PARVB: variants seen among roughly 807,000 people sequenced by gnomAD.
PARVB encodes the protein beta-parvin.
Under a neutral mutation model 47.0 loss-of-function variants are expected in PARVB, and 46 were observed. The ratio of observed to expected loss-of-function variants is 0.98; its 90% CI spans 0.77 to 1.25. The LOEUF is 1.25. PARVB is among the 50% of genes most tolerant of loss of function. The probability of loss-of-function intolerance (pLI) is 0.00; values close to 1 mark genes in which losing one functional copy is unlikely to be tolerated. For synonymous variants in PARVB, 196 were observed against 196.3 expected, an observed-to-expected ratio of 1.00 and a Z score of 0.01; for missense variants, 473 against 471.6, an observed-to-expected ratio of 1.00 and a Z score of -0.03.
chr22:44,119,747 T>G, intron 4 of PARVB: 1 of 526,450 alleles, frequency 1.9e-6, no homozygotes, highest in Middle Eastern at 3.3e-4. Context: ...CCTCAGAACT[T>G]ACAGTCTGTC....
At chr22:44,039,266 T>C (rs985666641) in intron 1 of PARVB, among the ~76,000 whole-genome samples, 6 of 152,174 alleles carry the variant, frequency 3.9e-5, no homozygotes, top group Non-Finnish European at 5.9e-5. Flanking sequence ...AGTAGGAATC[T>C]GTGGCTGAGC....
At chr22:44,022,232 C>A (rs1038213585), upstream of PARVB, among the ~76,000 whole-genome samples, 6 of 152,168 alleles carry the variant, frequency 3.9e-5, no homozygotes, top group African/African-American at 1.4e-4. Flanking sequence ...GCTCATGGAA[C>A]TTTGTGCTGG....
intron 3 of PARVB, chr22:44,110,567 T>TG (rs1255646870): frequency 2.0e-5 from 3 of 152,166 alleles, no homozygotes; most frequent in Non-Finnish European, 2.9e-5. Flanking sequence ...CCAGGAGTCC[T>TG]TTGAATTTAC....
Position 44,004,888 on chromosome 22 carries a change from G to A in PARVB, c.211+5215G>A, listed in dbSNP as rs146556538. On this transcript the variant is annotated intron_variant, in intron 2 of 13. Coordinates refer to the PARVB transcript ENST00000406477. ...CAGGCAATAGGGTTAAGCACCTGAA[G>A]TACATTTTAAGGAGAATTAGGAGCC... Among the ~76,000 whole-genome samples, 172 of 152,266 alleles carry A rather than the reference G, an allele frequency of 1.1e-3. 2 individuals carry two copies. The highest frequency in any genetic ancestry group is 3.9e-3 in the African/African-American group (164 of 41,554).
chr22:44,099,288 C>T (rs1456189581), intron 2 of PARVB, among the ~76,000 whole-genome samples: 7 of 152,186 alleles, frequency 4.6e-5, no homozygotes, highest in Non-Finnish European at 1.0e-4. Context: ...TGCTCGGCGC[C>T]CGCTGGCTTC....
chr22:44,006,969 G>T (rs1342940325), intron 2 of PARVB, among the ~76,000 whole-genome samples: 1 of 152,220 alleles, frequency 6.6e-6, no homozygotes, highest in Non-Finnish European at 1.5e-5. Flanking sequence ...GCAAGTGCAG[G>T]AGGGGAGCCC....
chr22:44,008,869 G>C (rs985457069), intron 2 of PARVB, among the ~76,000 whole-genome samples: 4 of 152,056 alleles, frequency 2.6e-5, no homozygotes, highest in Admixed American at 6.6e-5. Context: ...GGTGCCTGTA[G>C]TCCCAGCTAC....
At chr22:44,148,417 TG>T in intron 9 of PARVB, 1 of 191,958 alleles carries the variant, frequency 5.2e-6, no homozygotes, top group South Asian at 9.9e-5. Context: ...GCTCTGGAGT[TG>T]GGGGCTGGGT....
At chr22:44,161,850 G>C (rs576790502) in intron 11 of PARVB, among the ~76,000 whole-genome samples, 64 of 152,338 alleles carry the variant, frequency 4.2e-4, no homozygotes, top group African/African-American at 1.5e-3. Context: ...CCCATTGCCA[G>C]TGTTTGGCCA....
Position 44,116,970 on chromosome 22 carries a change from G to T in PARVB, c.274-2068G>T, listed in dbSNP as rs2052920812. ...AGGGAGATGGGGAGGAGTGGAACTG[G>T]TTAAGAAGTGGACAGAAGTAGGGTG... On this transcript the variant is annotated intron_variant, in intron 3 of 12. Coordinates refer to ENST00000338758, the MANE Select transcript of PARVB (RefSeq NM_013327.5). Among the ~76,000 whole-genome samples the T allele has an allele frequency of 1.3e-5, 2 of 152,174 alleles. 1 individual carries two copies. Among genetic ancestry groups the T allele is most frequent in the South Asian group, 4.1e-4 (2 of 4,834 alleles).
At chr22:44,066,381 T>C (rs910906511) in intron 1 of PARVB, among the ~76,000 whole-genome samples, 6 of 152,232 alleles carry the variant, frequency 3.9e-5, no homozygotes, top group Non-Finnish European at 5.9e-5. Flanking sequence ...ATGGGTTATA[T>C]TGAAAAGGAT....
intron 1 of PARVB, among the ~76,000 whole-genome samples, chr22:44,075,873 T>G (rs1343407745): frequency 4.6e-5 from 7 of 152,248 alleles, no homozygotes; most frequent in African/African-American, 7.2e-5. Context: ...GCTGCAGATG[T>G]ATAGCCCAGG....
At chr22:44,134,495 G>A (rs1426742462) in intron 6 of PARVB, among the ~76,000 whole-genome samples, 1 of 152,206 alleles carries the variant, frequency 6.6e-6, no homozygotes, top group Non-Finnish European at 1.5e-5. Context: ...TAATCTTTGC[G>A]GTTTGCAGAA....
intron 2 of PARVB, among the ~76,000 whole-genome samples, chr22:44,014,818 A>G (rs897299751): frequency 6.6e-6 from 1 of 151,910 alleles, no homozygotes; most frequent in Non-Finnish European, 1.5e-5. Context: ...TCTGTAGCAC[A>G]TACAAGACAA....
intron 8 of PARVB, chr22:44,142,454 T>G (rs1268860621): frequency 6.7e-6 from 1 of 150,050 alleles, no homozygotes; most frequent in South Asian, 2.1e-4. Context: ...AGTCTTTTTG[T>G]TTTTTTTGTG....
chr22:44,062,365 C>T (rs535617732), intron 1 of PARVB, among the ~76,000 whole-genome samples: 3 of 152,146 alleles, frequency 2.0e-5, no homozygotes, highest in South Asian at 2.1e-4. Context: ...GGGCCAGGCA[C>T]GGTGGCTCAA....
chr22:44,122,546 G>GAGAGAGAGAGAC (rs1569134483), intron 4 of PARVB, among the ~76,000 whole-genome samples: 11 of 94,516 alleles, frequency 1.2e-4, no homozygotes, highest in African/African-American at 5.9e-4. Context: ...GAGAGAGAGA[G>GAGAGAGAGAGAC]AGAGAGACAC....
intron 2 of PARVB, among the ~76,000 whole-genome samples, chr22:44,019,080 C>A (rs1246602475): frequency 6.6e-6 from 1 of 151,532 alleles, no homozygotes; most frequent in Non-Finnish European, 1.5e-5. Context: ...CCATACCTGG[C>A]TAATTTTTGT....
chr22:44,086,731 A>G, intron 1 of PARVB: 1 of 985,280 alleles, frequency 1.0e-6, no homozygotes. Context: ...TATTTTTAGA[A>G]AAACTGCTCT....
Sources: gnomAD v4.1 joint callset for allele counts (sites outside exome capture counted in the v4.1 genomes callset) on GRCh38, gnomAD v4.1.1 for gene constraint, MANE v1.5 for transcripts, NCBI Gene and HGNC (gene_info 2026-07-23, HGNC 2026-07-21) for gene names.